Variants in GNE observed in about 807,000 individuals in gnomAD.
GNE encodes the protein glucosamine (UDP-N-acetyl)-2-epimerase/N-acetylmannosamine kinase, also known as bifunctional UDP-N-acetylglucosamine 2-epimerase/N-acetylmannosamine kinase.
Under a neutral mutation model 61.8 loss-of-function variants are expected in GNE, and 41 were observed. That is an observed-to-expected ratio of 0.66 (90% confidence interval 0.52 to 0.86). The LOEUF is 0.86. Ranked by LOEUF, GNE falls within the 40% of genes least tolerant of loss-of-function variation. The pLI is 0.00. For synonymous variants in GNE, 264 were observed against 326.4 expected, an observed-to-expected ratio of 0.81 and a Z score of 2.06; for missense variants, 608 against 909.1, an observed-to-expected ratio of 0.67 and a Z score of 4.26.
rs955426568 is a variant in GNE, at chr9:36,228,540, C to G, written c.1070+481G>C. 3.9e-5 allele frequency among the ~76,000 whole-genome samples: 6 copies of G among 152,132 alleles called. No individual in the cohort carries two copies. In the South Asian group the frequency reaches 1.2e-3, roughly 32 times the overall value. ...GGGCGCAGTGACTCACACCTGTAATCCCAGCGCTTTGGGAGGCTGAGGCAG... is the reference window on the plus strand; with the variant it reads ...GGGCGCAGTGACTCACACCTGTAATGCCAGCGCTTTGGGAGGCTGAGGCAG... On this transcript the variant is annotated intron_variant, in intron 6 of 11. Transcript: ENST00000642385.
chr9:36,239,719 C>T (rs1482335876), intron 3 of GNE, among the ~76,000 whole-genome samples: 7 of 152,002 alleles, frequency 4.6e-5, no homozygotes, highest in South Asian at 2.1e-4. Context: ...ATGATCTGCC[C>T]GCCTTGGCCT....
At position 36,217,026 on chromosome 9, in the gene GNE, G is replaced by A; in HGVS notation, c.*339C>T. 1 of 361,562 alleles carries A rather than the reference G, an allele frequency of 2.8e-6. No homozygotes were observed. The highest frequency in any genetic ancestry group is 5.3e-6 in the Non-Finnish European group (1 of 188,370). The allele number at this position is 361,562 out of a possible 1,614,324, so 22.4% of individuals were successfully genotyped here. On this transcript the variant is annotated 3_prime_UTR_variant, in exon 12 of 12. Coordinates refer to ENST00000642385, the MANE Select transcript of GNE (RefSeq NM_005476.7). Reference sequence around the variant, plus strand: ...TGAAGTGATATCCCAGGCAAGGCCTGAAGGTCTCAGTGGTATTAATACATT... The same window carrying A: ...TGAAGTGATATCCCAGGCAAGGCCTAAAGGTCTCAGTGGTATTAATACATT...
upstream of GNE, among the ~76,000 whole-genome samples, chr9:36,261,947 C>T (rs1376570916): frequency 6.6e-6 from 1 of 150,808 alleles, no homozygotes; most frequent in Non-Finnish European, 1.5e-5. Context: ...AAGAAAGTCA[C>T]TTGAAGTCAA....
intron 4 of GNE, among the ~76,000 whole-genome samples, chr9:36,234,697 T>A (rs1829321224): frequency 6.6e-6 from 1 of 152,164 alleles, no homozygotes; most frequent in African/African-American, 2.4e-5. Context: ...ATATTTAATG[T>A]CCCTCTGCTT....
rs147290887 is a variant in GNE at position 36,249,254 on chromosome 9, G to A, written c.102C>T (p.Thr34=). Reference sequence around the variant, plus strand: ...CATCAAGTTCAAAGAACTCAGGTTCGGTTTTAATGCCAAACATGATCGGGG... The same window carrying A: ...CATCAAGTTCAAAGAACTCAGGTTCAGTTTTAATGCCAAACATGATCGGGG... ...KLAPIMFGIK[T]EPEFFELDVV... The change falls in exon 2 of 12, where the codon ACC becomes ACT. Residue 34 remains threonine, a synonymous_variant. Transcript: ENST00000642385. 102 of 1,614,122 alleles carry A rather than the reference G, an allele frequency of 6.3e-5. No homozygotes were observed. In the South Asian group the frequency reaches 7.6e-4, roughly 12 times the overall value.
At chr9:36,269,154 A>G (rs927954098) in intron 1 of GNE, among the ~76,000 whole-genome samples, 1 of 150,022 alleles carries the variant, frequency 6.7e-6, no homozygotes, top group Non-Finnish European at 1.5e-5. Flanking sequence ...AAGCCTAAGC[A>G]TGAACATAAG....
intron 5 of GNE, among the ~76,000 whole-genome samples, chr9:36,231,981 C>G (rs1829175281): frequency 6.6e-6 from 1 of 152,144 alleles, no homozygotes; most frequent in Admixed American, 6.6e-5. Context: ...GCTGCCCAAT[C>G]AGAAATCTAG....
At chr9:36,258,555 T>C (rs1830495243), upstream of GNE, 7 of 969,250 alleles carry the variant, frequency 7.2e-6, no homozygotes, top group Non-Finnish European at 8.6e-6. Context: ...GCTCGCGTGA[T>C]TGGCTGCTCC....
chr9:36,238,164 G>A (rs775511460), intron 3 of GNE, among the ~76,000 whole-genome samples: 5 of 151,010 alleles, frequency 3.3e-5, no homozygotes, highest in East Asian at 3.9e-4. Context: ...ACACACCACC[G>A]TTTCTTTATC....
chr9:36,258,888 C>T (rs191219069), upstream of GNE, among the ~76,000 whole-genome samples: 992 of 152,300 alleles, frequency 6.5e-3, 8 homozygotes, highest in Non-Finnish European at 0.011. Flanking sequence ...TAACCCTTGC[C>T]GTGACTGCTA....
At chr9:36,242,719 G>C (rs1343955758) in intron 3 of GNE, among the ~76,000 whole-genome samples, 1 of 144,336 alleles carries the variant, frequency 6.9e-6, no homozygotes, top group Non-Finnish European at 1.5e-5. Context: ...CATCTGGCCT[G>C]GGTTTTATGC....
In GNE at chr9:36,242,031, G is replaced by T. The variant is rs929534813; in HGVS notation, c.616+4000C>A. Among the ~76,000 whole-genome samples, 25 of 152,114 alleles carry T rather than the reference G, an allele frequency of 1.6e-4. 1 individual carries two copies. Among genetic ancestry groups the T allele is most frequent in the African/African-American group, 5.3e-4 (22 of 41,420 alleles). On this transcript the variant is annotated intron_variant, in intron 3 of 11. Coordinates refer to ENST00000642385, the MANE Select transcript of GNE (RefSeq NM_005476.7). The stretch of plus-strand genomic sequence containing the variant: ...TGCGCCTGTAGTCCCAGCTACTCAG[G>T]AGGCTGAGGCAGGAGTATTGCTTAA...
At chr9:36,231,559 T>C (rs546798106) in intron 5 of GNE, among the ~76,000 whole-genome samples, 208 of 152,314 alleles carry the variant, frequency 1.4e-3, no homozygotes, top group African/African-American at 4.8e-3. Context: ...ATTTGCAACT[T>C]TCAGGTCTTG....
upstream of GNE, among the ~76,000 whole-genome samples, chr9:36,258,860 C>T (rs1830511858): frequency 6.6e-6 from 1 of 152,148 alleles, no homozygotes; most frequent in Non-Finnish European, 1.5e-5. Flanking sequence ...GCGGCCACCC[C>T]ACAGCGGTCC....
intron 10 of GNE, 109 bp downstream of exon 10, chr9:36,219,729 T>C: frequency 4.0e-6 from 4 of 1,002,982 alleles, no homozygotes; most frequent in Middle Eastern, 5.4e-4. Flanking sequence ...CCCTAAGAAG[T>C]GAAAAGGGGG....
intron 3 of GNE, among the ~76,000 whole-genome samples, chr9:36,241,119 CTTT>C (rs36007906): frequency 7.0e-6 from 1 of 143,482 alleles, no homozygotes. Context: ...GTTTCATTTA[CTTT>C]TTTTTTTTTT....
chr9:36,240,761 G>C (rs910919893), intron 3 of GNE, among the ~76,000 whole-genome samples: 1 of 152,086 alleles, frequency 6.6e-6, no homozygotes, highest in African/African-American at 2.4e-5. Flanking sequence ...GTAGAATTCT[G>C]CTGTGAATCC....
chr9:36,276,540 T>A (rs1345066668), intron 1 of GNE, among the ~76,000 whole-genome samples: 1 of 152,190 alleles, frequency 6.6e-6, no homozygotes, highest in East Asian at 1.9e-4. Flanking sequence ...AACAAAATAG[T>A]TAAACTTTGC....
At position 36,218,309 on chromosome 9, in the gene GNE, G is replaced by A. The variant is rs2132997852; in HGVS notation, c.1817-10C>T. On this transcript the variant is annotated splice_polypyrimidine_tract_variant and intron_variant, in intron 10 of 11. Coordinates refer to ENST00000642385, the MANE Select transcript of GNE (RefSeq NM_005476.7). This position sits in a 1 kb window ranked among gnomAD's most constrained non-coding sequence, Gnocchi z 4.1. ...ACCAAGAGCAGGTCCTCTGAACAGA[G>A]TGAGAAGGAAAAGCAGTCACTAATG... is the stretch of plus-strand genomic sequence containing the variant. 6.2e-7 allele frequency: 1 copy of A among 1,600,616 alleles called. No homozygotes were observed. Among genetic ancestry groups the A allele is most frequent in the African/African-American group, 1.3e-5 (1 of 74,770 alleles).
Sources: gnomAD v4.1 joint callset for allele counts (sites outside exome capture counted in the v4.1 genomes callset) on GRCh38, gnomAD v4.1.1 for gene constraint, Gnocchi (gnomAD v3.1) non-coding constraint, MANE v1.5 for transcripts, NCBI Gene and HGNC (gene_info 2026-07-23, HGNC 2026-07-21) for gene names.